Variants in SCHIP1 observed in about 807,000 individuals in gnomAD.
The protein encoded by SCHIP1 is schwannomin interacting protein 1.
A neutral mutation model predicts 29.7 loss-of-function variants in SCHIP1; 8 were observed. The observed-to-expected ratio is 0.27, with a 90% CI of 0.16 to 0.49. The LOEUF (loss-of-function observed/expected upper bound fraction) is 0.49, where lower values mean the gene tolerates loss of function less well. Among genes scored for constraint, SCHIP1 ranks in the 20% least tolerant of loss-of-function variants. SCHIP1 has a pLI of 0.99. For missense variants in SCHIP1, 193 were observed against 294.6 expected, an observed-to-expected ratio of 0.66 and a Z score of 2.52; for synonymous variants, 76 against 94.9, an observed-to-expected ratio of 0.80 and a Z score of 1.16.
chr3:159,854,344 A>G (rs1199153754), intron 1 of SCHIP1, among the ~76,000 whole-genome samples: 1 of 152,218 alleles, frequency 6.6e-6, no homozygotes. Context: ...ACGTATAGTA[A>G]TGTAAAATAT....
chr3:159,885,299 C>G (rs1716853710), intron 2 of SCHIP1, among the ~76,000 whole-genome samples: 1 of 152,182 alleles, frequency 6.6e-6, no homozygotes. Flanking sequence ...TAAGCTTACA[C>G]AGAGACTGGG....
the SCHIP1 span, among the ~76,000 whole-genome samples, chr3:159,462,383 C>A: frequency 3.3e-5 from 5 of 152,130 alleles, no homozygotes; most frequent in Non-Finnish European, 7.3e-5. Context: ...GCGTCCTCCT[C>A]ACTGACTGTG....
the SCHIP1 span, among the ~76,000 whole-genome samples, chr3:159,817,919 A>G: frequency 1.3e-5 from 2 of 152,152 alleles, no homozygotes; most frequent in African/African-American, 4.8e-5. Context: ...ATATCCACCT[A>G]CAGTGTGCTA....
the SCHIP1 span, among the ~76,000 whole-genome samples, chr3:159,451,678 C>T: frequency 6.6e-6 from 1 of 152,172 alleles, no homozygotes; most frequent in African/African-American, 2.4e-5. Context: ...GAATAATCTG[C>T]CTGGTGCTAG....
the SCHIP1 span, among the ~76,000 whole-genome samples, chr3:159,676,103 C>G: frequency 6.6e-6 from 1 of 152,148 alleles, no homozygotes; most frequent in Non-Finnish European, 1.5e-5. Context: ...TGCACTCCAG[C>G]CTGAGCGACG....
chr3:159,335,121 A>G, the SCHIP1 span, among the ~76,000 whole-genome samples: 1 of 151,890 alleles, frequency 6.6e-6, no homozygotes, highest in African/African-American at 2.4e-5. Flanking sequence ...GCTGGTCTCG[A>G]ACTCCTGACC....
chr3:159,844,087 A>G (rs978219920), intron 1 of SCHIP1, among the ~76,000 whole-genome samples: 2 of 152,164 alleles, frequency 1.3e-5, no homozygotes, highest in African/African-American at 4.8e-5. Flanking sequence ...GTCAGTTATC[A>G]TGAATTAAGA....
the SCHIP1 span, among the ~76,000 whole-genome samples, chr3:159,475,361 G>T: frequency 3.3e-5 from 5 of 152,130 alleles, no homozygotes; most frequent in Admixed American, 2.6e-4. Context: ...TATATGAGAC[G>T]TCTAGAATAG....
At chr3:159,283,648 A>G in the SCHIP1 span, among the ~76,000 whole-genome samples, 2 of 152,112 alleles carry the variant, frequency 1.3e-5, no homozygotes, top group Non-Finnish European at 2.9e-5. Context: ...TTACTATAAT[A>G]TAGGAAGCGA....
the SCHIP1 span, among the ~76,000 whole-genome samples, chr3:159,668,510 T>C: frequency 6.6e-6 from 1 of 150,750 alleles, no homozygotes; most frequent in Non-Finnish European, 1.5e-5. Flanking sequence ...TCTTAAAAAA[T>C]AGAAAAAGGA....
the SCHIP1 span, among the ~76,000 whole-genome samples, chr3:159,670,352 A>G: frequency 1.3e-5 from 2 of 152,182 alleles, no homozygotes; most frequent in Non-Finnish European, 2.9e-5. Flanking sequence ...TTATCTTCCA[A>G]CTAATCACAA....
At chr3:159,811,345 G>A in the SCHIP1 span, among the ~76,000 whole-genome samples, 1 of 152,128 alleles carries the variant, frequency 6.6e-6, no homozygotes, top group African/African-American at 2.4e-5. Context: ...TGCTGTTGCT[G>A]TTGTGTTTAA....
intron 1 of SCHIP1, among the ~76,000 whole-genome samples, chr3:159,851,039 CAA>C (rs1191629358): frequency 1.3e-5 from 2 of 152,154 alleles, no homozygotes; most frequent in African/African-American, 4.8e-5. Context: ...TTTTGGAGGC[CAA>C]GATAGGAAGA....
At chr3:159,471,098 G>A in the SCHIP1 span, among the ~76,000 whole-genome samples, 1 of 152,028 alleles carries the variant, frequency 6.6e-6, no homozygotes, top group African/African-American at 2.4e-5. Flanking sequence ...TTTACTGTGT[G>A]TGTATTATAT....
the SCHIP1 span, among the ~76,000 whole-genome samples, chr3:159,802,996 A>C: frequency 1.3e-5 from 2 of 152,230 alleles, no homozygotes; most frequent in Non-Finnish European, 2.9e-5. Context: ...GAGAAAGGGA[A>C]GAAGAAGAAC....
At chr3:159,708,430 T>TA in the SCHIP1 span, among the ~76,000 whole-genome samples, 3 of 152,128 alleles carry the variant, frequency 2.0e-5, no homozygotes, top group Non-Finnish European at 4.4e-5. Context: ...GTCAAGAAGA[T>TA]AAAATGAAGA....
intron 2 of SCHIP1, among the ~76,000 whole-genome samples, chr3:159,873,134 T>C (rs1715448008): frequency 6.6e-6 from 1 of 152,320 alleles, no homozygotes; most frequent in East Asian, 1.9e-4. Context: ...TGAGGAGTAA[T>C]AAGATTAAAA....
At chr3:159,279,756 A>G in the SCHIP1 span, among the ~76,000 whole-genome samples, 1 of 152,184 alleles carries the variant, frequency 6.6e-6, no homozygotes, top group Non-Finnish European at 1.5e-5. Flanking sequence ...AACACAACAG[A>G]TAACTCACTA....
chr3:159,604,426 A>G, the SCHIP1 span, among the ~76,000 whole-genome samples: 1 of 152,128 alleles, frequency 6.6e-6, no homozygotes, highest in Non-Finnish European at 1.5e-5. Context: ...CTTGGTCACA[A>G]GTGGGCAAAG....
Sources: gnomAD v4.1 joint callset for allele counts (sites outside exome capture counted in the v4.1 genomes callset) on GRCh38, gnomAD v4.1.1 for gene constraint, MANE v1.5 for transcripts, NCBI Gene and HGNC (gene_info 2026-07-23, HGNC 2026-07-21) for gene names.